ZDBF2: variants seen among roughly 807,000 people sequenced by gnomAD.
ZDBF2 encodes DBF4-type zinc finger-containing protein 2.
A neutral mutation model predicts 9.4 loss-of-function variants in ZDBF2; 6 were observed. That is an observed-to-expected ratio of 0.64 (90% CI 0.35 to 1.27). The LOEUF (loss-of-function observed/expected upper bound fraction) is 1.27, where lower values mean the gene tolerates loss of function less well. Ranked by LOEUF, ZDBF2 falls within the 50% of genes most tolerant of loss-of-function variation. The pLI is 0.03. For synonymous variants in ZDBF2, 905 were observed against 946.3 expected (o/e 0.96, Z 0.80); for missense variants, 2,697 against 2,766.8 (o/e 0.97, Z 0.57).
intron 1 of ZDBF2, among the ~76,000 whole-genome samples, chr2:206,277,681 C>T (rs141372208): frequency 2.8e-5 from 4 of 143,228 alleles, no homozygotes; most frequent in South Asian, 2.2e-4. Flanking sequence ...GGGTGAATTA[C>T]GATGTTGTTT....
chr2:206,281,393 G>A (rs1691309114), intron 2 of ZDBF2, among the ~76,000 whole-genome samples: 1 of 152,160 alleles, frequency 6.6e-6, no homozygotes, highest in Admixed American at 6.5e-5. Flanking sequence ...AGAATGAGAC[G>A]TTGTCAAATA....
At position 206,313,561 on chromosome 2, in the gene ZDBF2, A is replaced by G. The variant is rs1437608877; in HGVS notation, c.*1968A>G. The G allele has an allele frequency of 6.6e-6, 1 of 152,208 alleles. No homozygotes were observed. The highest frequency in any genetic ancestry group is 1.5e-5 in the Non-Finnish European group (1 of 68,010). The allele number at this position is 152,208 out of a possible 1,614,324, so 9.4% of individuals were successfully genotyped here. A position where few individuals can be genotyped will look rare whatever the true frequency, so the allele number is the denominator to read the frequency against. On this transcript the variant is annotated 3_prime_UTR_variant, in exon 5 of 5. Coordinates refer to ENST00000374423, the MANE Select transcript of ZDBF2 (RefSeq NM_020923.3). ...TTTTTTCCCTATGGAATAGACACAT[A>G]GTTCCCTTAAATATTATTAATAGAC...
At chr2:206,301,095 A>G (rs1215601622) in intron 4 of ZDBF2, among the ~76,000 whole-genome samples, 4 of 152,234 alleles carry the variant, frequency 2.6e-5, no homozygotes, top group Non-Finnish European at 2.9e-5. Flanking sequence ...ATCCCATATT[A>G]TCTATTTTCA....
At chr2:206,299,742 T>TC (rs925217978) in intron 4 of ZDBF2, among the ~76,000 whole-genome samples, 3 of 148,656 alleles carry the variant, frequency 2.0e-5, no homozygotes, top group African/African-American at 7.4e-5. Flanking sequence ...TACTTTGACC[T>TC]CCCCCCCGCC....
chr2:206,292,019 C>T (rs1294515043), intron 3 of ZDBF2: 1 of 398,164 alleles, frequency 2.5e-6, no homozygotes. Flanking sequence ...AGCAGACTCT[C>T]ACTAAAGGAA....
rs1230408218 is a variant in ZDBF2 at position 206,312,668 on chromosome 2, C to T, written c.*1075C>T. 1.3e-5 allele frequency: 2 copies of T among 152,152 alleles called. No individual in the cohort carries two copies. Among genetic ancestry groups the T allele is most frequent in the East Asian group, 3.9e-4 (2 of 5,182 alleles). 9.4% of individuals were successfully genotyped at this position (152,152 alleles called of 1,614,324 possible). A position where few individuals can be genotyped will look rare whatever the true frequency, so the allele number is the denominator to read the frequency against. On this transcript the variant is annotated 3_prime_UTR_variant, in exon 5 of 5. Transcript: ENST00000374423. ...TGACCTTGTGGTCCACCCGCCTCAG[C>T]CTCCCAAAGTGCTGGGATTACAGTC...
chr2:206,311,313 C>T lies in ZDBF2; in HGVS notation c.6785C>T (p.Ala2262Val), dbSNP rs552788507. ...KKSVVSRLKK[A>V]KRTAKVLLNS... ...TCTGTTGTCAGTAGGCTAAAGAAGG[C>T]GAAGAGAACAGCTAAAGTGCTTTTG... Residue 2262 changes from alanine (A) to valine (V), a missense_variant, in exon 5 of 5, where the codon GCG (alanine) becomes GTG (valine). Physicochemically the swap from Ala to Val is moderately conservative, Grantham distance 64 (BLOSUM62 0). Around this residue, in one of 3 missense-constraint regions of ZDBF2, gnomAD observed 1,783 missense variants for 1,776.5 expected, o/e 1.00. Coordinates refer to ENST00000374423, the MANE Select transcript of ZDBF2 (RefSeq NM_020923.3). 18 of 1,604,904 alleles carry T rather than the reference C, an allele frequency of 1.1e-5. No individual in the cohort carries two copies. The highest frequency in any genetic ancestry group is 2.7e-5 in the African/African-American group (2 of 74,928).
Position 206,308,668 on chromosome 2 carries a change from G to A in ZDBF2, c.4140G>A (p.Glu1380=), listed in dbSNP as rs1191523955. 3 of 1,612,340 alleles carry A rather than the reference G, an allele frequency of 1.9e-6. No individual in the cohort carries two copies. Among genetic ancestry groups the A allele is most frequent in the South Asian group, 1.1e-5 (1 of 91,076 alleles). Residue 1380 remains glutamate (E), a synonymous_variant, in exon 5 of 5, where the codon GAG becomes GAA. Coordinates refer to ENST00000374423, the MANE Select transcript of ZDBF2 (RefSeq NM_020923.3). ...SNDSFQAAAD[E]LQKPVKEINL... is the part of the protein sequence containing the mutation. ...ACTCTTTTCAGGCAGCAGCAGATGAGCTTCAAAAACCTGTCAAAGAAATAA... is the reference window on the plus strand; with the variant it reads ...ACTCTTTTCAGGCAGCAGCAGATGAACTTCAAAAACCTGTCAAAGAAATAA...
rs754969103 is a variant in ZDBF2 at position 206,308,039 on chromosome 2, A to G, written c.3511A>G (p.Ile1171Val). The stretch of plus-strand genomic sequence containing the variant: ...GGATTCTGGTTTCTTGGGTCAGTCA[A>G]TAGTCAATCGACCTCAAATAACTAT... ...NLDSGFLGQSIVNRPQITILE... is the reference protein window; with the variant it reads ...NLDSGFLGQSVVNRPQITILE... The change falls in exon 5 of 5, where the codon ATA becomes GTA. Residue 1171 changes from isoleucine (I) to valine (V), a missense_variant. Around this residue, in one of 3 missense-constraint regions of ZDBF2, gnomAD observed 1,783 missense variants for 1,776.5 expected, o/e 1.00. Coordinates refer to ENST00000374423, the MANE Select transcript of ZDBF2 (RefSeq NM_020923.3). 6.8e-6 allele frequency: 11 copies of G among 1,613,824 alleles called. No homozygotes were observed. Among genetic ancestry groups the G allele is most frequent in the African/African-American group, 2.7e-5 (2 of 74,940 alleles).
rs1299007405 is a variant in ZDBF2, at chr2:206,304,701, C to T, written c.189-16C>T. 1.3e-6 allele frequency: 2 copies of T among 1,582,160 alleles called. No individual in the cohort carries two copies. Among genetic ancestry groups the T allele is most frequent in the African/African-American group, 2.7e-5 (2 of 73,358 alleles). ...ACATTAGAATATGTTTATGAGTTTCCCCCCTTTCGTTTTAGTTCAACACAA... is the reference window on the plus strand; with the variant it reads ...ACATTAGAATATGTTTATGAGTTTCTCCCCTTTCGTTTTAGTTCAACACAA... On this transcript the variant is annotated splice_polypyrimidine_tract_variant and intron_variant, in intron 4 of 4. Transcript: ENST00000374423.
chr2:206,294,828 A>AT (rs1378438691), intron 3 of ZDBF2, among the ~76,000 whole-genome samples: 1 of 152,104 alleles, frequency 6.6e-6, no homozygotes, highest in Non-Finnish European at 1.5e-5. Context: ...ACATGATCTC[A>AT]TTTTTTATGG....
chr2:206,305,767 T>C lies in ZDBF2; in HGVS notation c.1239T>C (p.Ser413=). The C allele has an allele frequency of 1.9e-6, 3 of 1,613,716 alleles. No individual in the cohort carries two copies. Among genetic ancestry groups the C allele is most frequent in the Non-Finnish European group, 2.5e-6 (3 of 1,179,790 alleles). The change falls in exon 5 of 5, where the codon TCT becomes TCC. Residue 413 remains serine (S), a synonymous_variant. Transcript: ENST00000374423. ...GSEMSFDCSS[S]FHSLTDQSKV... ...AAATGAGTTTTGATTGCAGTTCCTC[T>C]TTTCATTCACTGACTGACCAATCTA...
chr2:206,278,762 C>T (rs543799246), intron 1 of ZDBF2, among the ~76,000 whole-genome samples: 3 of 152,218 alleles, frequency 2.0e-5, no homozygotes, highest in Non-Finnish European at 4.4e-5. Context: ...TGGCATCCCT[C>T]GCCGCTCTAG....
rs1478267988 is a variant in ZDBF2 at position 206,305,248 on chromosome 2, A to G, written c.720A>G (p.Pro240=). 1.2e-6 allele frequency: 2 copies of G among 1,613,784 alleles called. No homozygotes were observed. The highest frequency in any genetic ancestry group is 2.2e-5 in the South Asian group (2 of 91,050). ...ATGGGGCCTCTAGAAATCCTGTGCC[A>G]TCATCCCATGTAGAAACTACTTCAT... is the stretch of plus-strand genomic sequence containing the variant. ...QPDGASRNPV[P]SSHVETTSFS... is the part of the protein sequence containing the mutation. The change falls in exon 5 of 5, where the codon CCA becomes CCG. Residue 240 remains proline (P), a synonymous_variant. Transcript: ENST00000374423.
Position 206,310,453 on chromosome 2 carries a change from A to G in ZDBF2, c.5925A>G (p.Leu1975=), listed in dbSNP as rs149538903. 1,586 of 1,613,896 alleles carry G rather than the reference A, an allele frequency of 9.8e-4. 7 individuals are homozygous for G. The highest frequency in any genetic ancestry group is 1.2e-3 in the Middle Eastern group (7 of 6,062). Residue 1975 remains leucine, a synonymous_variant, in exon 5 of 5, where the codon TTA becomes TTG. Coordinates refer to ENST00000374423, the MANE Select transcript of ZDBF2 (RefSeq NM_020923.3). ...EDPPKSKCSR[L]QDDRKTKKKV... ...CACCAAAAAGTAAGTGTTCACGTTT[A>G]CAGGATGACAGAAAAACCAAAAAGA... is the stretch of plus-strand genomic sequence containing the variant.
chr2:206,280,016 G>C (rs1418237853), intron 2 of ZDBF2, among the ~76,000 whole-genome samples: 1 of 152,178 alleles, frequency 6.6e-6, no homozygotes, highest in Non-Finnish European at 1.5e-5. Context: ...TGTTGGCCAG[G>C]CTGTTCTCAA....
chr2:206,308,063 A>G lies in ZDBF2; in HGVS notation c.3535A>G (p.Ile1179Val), dbSNP rs1460669053. 5.6e-6 allele frequency: 9 copies of G among 1,613,844 alleles called. No individual in the cohort carries two copies. The highest frequency in any genetic ancestry group is 3.3e-5 in the Admixed American group (2 of 60,000). The change falls in exon 5 of 5, where the codon ATT (isoleucine) becomes GTT (valine). Residue 1179 changes from isoleucine (I) to valine (V), a missense_variant. Around this residue, in one of 3 missense-constraint regions of ZDBF2, gnomAD observed 1,783 missense variants for 1,776.5 expected, o/e 1.00. Transcript: ENST00000374423. Reference protein sequence around the residue: ...QSIVNRPQITILEQEHIELEG... With the variant: ...QSIVNRPQITVLEQEHIELEG... ...AATAGTCAATCGACCTCAAATAACT[A>G]TTTTGGAGCAGGAGCACATTGAACT...
intron 2 of ZDBF2, among the ~76,000 whole-genome samples, chr2:206,280,198 C>T (rs1168371883): frequency 6.6e-6 from 1 of 152,132 alleles, no homozygotes; most frequent in African/African-American, 2.4e-5. Context: ...GGGGTCCTGG[C>T]ATGTTAATTT....
intron 2 of ZDBF2, among the ~76,000 whole-genome samples, chr2:206,281,553 A>G (rs752781133): frequency 1.3e-5 from 2 of 152,238 alleles, no homozygotes; most frequent in Non-Finnish European, 2.9e-5. Flanking sequence ...AATATCTCTA[A>G]TAAGTTATTA....
Sources: gnomAD v4.1 joint callset for allele counts (sites outside exome capture counted in the v4.1 genomes callset) on GRCh38, gnomAD v4.1.1 for gene constraint, gnomAD v4.1.1 regional missense constraint, MANE v1.5 for transcripts, NCBI Gene and HGNC (gene_info 2026-07-23, HGNC 2026-07-21) for gene names.